The following IL21R variants were observed in gnomAD, a reference collection of about 807,000 sequenced individuals.
The protein encoded by IL21R is interleukin 21 receptor.
IL21R carries 14 observed loss-of-function variants against 41.3 expected under a neutral mutation model. The observed-to-expected ratio is 0.34, with a 90% CI of 0.22 to 0.53. IL21R has a LOEUF of 0.53. Among genes scored for constraint, IL21R ranks in the 20% least tolerant of loss-of-function variants. IL21R has a pLI of 0.94. For synonymous variants in IL21R, 286 were observed against 287.6 expected, an observed-to-expected ratio of 0.99 and a Z score of 0.05; for missense variants, 588 against 681.6, an observed-to-expected ratio of 0.86 and a Z score of 1.53.
intron 3 of IL21R, 45 bp from the exon 4 acceptor site, chr16:27,437,443 C>G (rs1222013483): frequency 1.3e-6 from 2 of 1,527,780 alleles, no homozygotes; most frequent in South Asian, 2.2e-5. Flanking sequence ...CACCATCCCC[C>G]CTGCCCCTGG....
At chr16:27,411,170 A>G (rs1337092267) in intron 1 of IL21R, among the ~76,000 whole-genome samples, 2 of 152,116 alleles carry the variant, frequency 1.3e-5, no homozygotes, top group African/African-American at 4.8e-5. Context: ...TCTTTTGGAT[A>G]TATGTCTGGT....
intron 3 of IL21R, among the ~76,000 whole-genome samples, chr16:27,436,699 C>A (rs1171445907): frequency 1.3e-5 from 2 of 152,142 alleles, no homozygotes; most frequent in Non-Finnish European, 2.9e-5. Flanking sequence ...ACCAACTTTC[C>A]CAGAAGTCCA....
At chr16:27,443,285 C>T (rs973325301) in intron 5 of IL21R, among the ~76,000 whole-genome samples, 169 bp downstream of exon 5, 13 of 152,264 alleles carry the variant, frequency 8.5e-5, no homozygotes, top group South Asian at 2.1e-4. Flanking sequence ...CCTCACTTCT[C>T]CCCAAGGTAG....
chr16:27,451,045 G>A lies in IL21R; in HGVS notation c.*1762G>A, dbSNP rs1479215841. The A allele has an allele frequency of 4.3e-6, 1 of 233,596 alleles. No homozygotes were observed. Among genetic ancestry groups the A allele is most frequent in the Non-Finnish European group, 8.5e-6 (1 of 118,258 alleles). The allele number at this position is 233,596 out of a possible 1,614,324, so 14.5% of individuals were successfully genotyped here. Reference sequence around the variant, plus strand: ...CTGATGGTTATAAGAGTGGGACTGTGAGCCTGGGATCGGGGGGTGTGAGAC... The same window carrying A: ...CTGATGGTTATAAGAGTGGGACTGTAAGCCTGGGATCGGGGGGTGTGAGAC... On this transcript the variant is annotated 3_prime_UTR_variant, in exon 9 of 9. Transcript: ENST00000337929.
chr16:27,432,148 G>C (rs560285298), intron 2 of IL21R, among the ~76,000 whole-genome samples: 3 of 152,336 alleles, frequency 2.0e-5, no homozygotes, highest in South Asian at 4.1e-4. Flanking sequence ...TGGCAACTGA[G>C]TTTCTGGGGA....
At chr16:27,420,613 A>G (rs1441136395) in intron 1 of IL21R, among the ~76,000 whole-genome samples, 1 of 152,186 alleles carries the variant, frequency 6.6e-6, no homozygotes, top group Non-Finnish European at 1.5e-5. Context: ...TCTTTGGAGA[A>G]ATGTCTATCC....
chr16:27,449,524 C>A lies in IL21R; in HGVS notation c.*241C>A, dbSNP rs959344710. The A allele has an allele frequency of 8.7e-5, 49 of 560,096 alleles. No homozygotes were observed. In the African/African-American group the frequency reaches 8.8e-4, roughly 10 times the overall value. 34.7% of individuals were successfully genotyped at this position (560,096 alleles called of 1,614,324 possible). On this transcript the variant is annotated 3_prime_UTR_variant, in exon 9 of 9. Transcript: ENST00000337929. ...CCACGTGTGTGTGTGATTGCACGTG[C>A]CTGTGGGCCTGGGATAATGCCCATG...
chr16:27,428,087 C>A (rs971035605), intron 1 of IL21R, among the ~76,000 whole-genome samples: 1 of 152,070 alleles, frequency 6.6e-6, no homozygotes, highest in Non-Finnish European at 1.5e-5. Context: ...ATTCTGAGAC[C>A]CCCTCTGTTT....
chr16:27,443,331 C>A (rs935370579), intron 5 of IL21R, among the ~76,000 whole-genome samples: 4 of 152,182 alleles, frequency 2.6e-5, no homozygotes, highest in African/African-American at 9.7e-5. Context: ...CCAAACTGGT[C>A]TCCTCGGCGG....
chr16:27,434,208 C>T, intron 2 of IL21R, 139 bp from the exon 3 acceptor site: 1 of 593,108 alleles, frequency 1.7e-6, no homozygotes, highest in Non-Finnish European at 3.0e-6. Context: ...TACATCTAAG[C>T]AGCTCCTGAG....
intron 2 of IL21R, 150 bp downstream of exon 2, chr16:27,430,270 C>T (rs1321132634): frequency 9.4e-6 from 6 of 638,050 alleles, no homozygotes; most frequent in Non-Finnish European, 1.6e-5. Flanking sequence ...GACACGAGTC[C>T]AGTAGCCGGC....
At chr16:27,430,596 G>A (rs754852442) in intron 2 of IL21R, among the ~76,000 whole-genome samples, 3 of 152,128 alleles carry the variant, frequency 2.0e-5, no homozygotes, top group Non-Finnish European at 4.4e-5. Context: ...AGGGTAGGTC[G>A]CTTGAGCTCA....
intron 4 of IL21R, among the ~76,000 whole-genome samples, chr16:27,438,954 G>T (rs2087322221): frequency 6.6e-6 from 1 of 150,996 alleles, no homozygotes; most frequent in Non-Finnish European, 1.5e-5. Context: ...GTGTGTGTGT[G>T]TATGTGTGTA....
rs3093395 is a variant in IL21R at position 27,430,771 on chromosome 16, C to G, written c.49+651C>G. On this transcript the variant is annotated intron_variant, in intron 2 of 8. Transcript: ENST00000337929. The stretch of plus-strand genomic sequence containing the variant: ...TGGAGGTTACAGTGAGTCAAGGTGA[C>G]AACTGTACTCCAGCCTGGGCAACAG... Among the ~76,000 whole-genome samples the G allele has an allele frequency of 6.2e-3, 937 of 152,200 alleles. 4 individuals are homozygous for G. The highest frequency in any genetic ancestry group is 0.027 in the South Asian group (132 of 4,824).
At chr16:27,406,343 G>T (rs756963943) in intron 1 of IL21R, among the ~76,000 whole-genome samples, 1 of 152,146 alleles carries the variant, frequency 6.6e-6, no homozygotes. Flanking sequence ...TTTGGGCAAG[G>T]CTGCAGAGGA....
chr16:27,404,435 G>C (rs112957228), intron 1 of IL21R, among the ~76,000 whole-genome samples: 1 of 152,138 alleles, frequency 6.6e-6, no homozygotes, highest in Non-Finnish European at 1.5e-5. Flanking sequence ...AGTAGAGTAG[G>C]GGGTGGATAC....
intron 1 of IL21R, chr16:27,403,211 G>A (rs1293235843): frequency 2.2e-6 from 3 of 1,339,140 alleles, no homozygotes; most frequent in Admixed American, 2.2e-5. Context: ...CACGGGGAAC[G>A]GGTCGGATGG....
intron 1 of IL21R, among the ~76,000 whole-genome samples, chr16:27,426,796 G>A (rs564712039): frequency 4.6e-5 from 7 of 152,330 alleles, no homozygotes; most frequent in Admixed American, 1.3e-4. Context: ...AGATCTTCTG[G>A]CTTCAAATTC....
intron 2 of IL21R, among the ~76,000 whole-genome samples, chr16:27,430,337 A>G (rs1188430679): frequency 6.6e-6 from 1 of 152,224 alleles, no homozygotes; most frequent in Non-Finnish European, 1.5e-5. Flanking sequence ...AGCGGTAGAC[A>G]TGAGTCTCAG....
Sources: gnomAD v4.1 joint callset for allele counts (sites outside exome capture counted in the v4.1 genomes callset) on GRCh38, gnomAD v4.1.1 for gene constraint, MANE v1.5 for transcripts, NCBI Gene and HGNC (gene_info 2026-07-23, HGNC 2026-07-21) for gene names.